The following DTNBP1 variants were observed in gnomAD, a reference collection of about 807,000 sequenced individuals.
DTNBP1 encodes dysbindin.
Under a neutral mutation model 42.8 loss-of-function variants are expected in DTNBP1, and 35 were observed. The observed-to-expected ratio is 0.82, with a 90% confidence interval of 0.63 to 1.09. The LOEUF (loss-of-function observed/expected upper bound fraction) is 1.09, where lower values mean the gene tolerates loss of function less well. Ranked by LOEUF, DTNBP1 falls within the 50% of genes least tolerant of loss-of-function variation. DTNBP1 has a pLI of 0.00. For missense variants in DTNBP1, 457 were observed against 424.2 expected (o/e 1.08, Z -0.68); for synonymous variants, 171 against 162.2 (o/e 1.05, Z -0.41).
At chr6:15,595,873 A>C (rs1490494104) in intron 6 of DTNBP1, among the ~76,000 whole-genome samples, 3 of 152,246 alleles carry the variant, frequency 2.0e-5, no homozygotes, top group Non-Finnish European at 2.9e-5. Context: ...AAAGTAATTC[A>C]GATAAAAAGG....
At chr6:15,540,997 A>G (rs1401988887) in intron 7 of DTNBP1, among the ~76,000 whole-genome samples, 3 of 151,762 alleles carry the variant, frequency 2.0e-5, no homozygotes, top group Non-Finnish European at 4.4e-5. Flanking sequence ...GTTTTAAAAC[A>G]TGTTCCTCAC....
At chr6:15,557,664 A>G (rs1192751210) in intron 7 of DTNBP1, among the ~76,000 whole-genome samples, 4 of 152,176 alleles carry the variant, frequency 2.6e-5, no homozygotes, top group African/African-American at 9.6e-5. Context: ...ATTAAAAGAC[A>G]ATGAAAGATT....
rs113725588 is a variant in DTNBP1, at chr6:15,624,814, C to CA, written c.355+2528dup. Among the ~76,000 whole-genome samples the CA allele has an allele frequency of 4.8e-3, 648 of 136,398 alleles. 5 individuals are homozygous for CA. Among genetic ancestry groups the CA allele is most frequent in the Middle Eastern group, 0.026 (7 of 270 alleles). 89.5% of individuals were successfully genotyped at this position (136,398 alleles called of 152,430 possible). ...ATAATAGGAGAGATTTTGAGGCTTCCAAAAAAAAAAACCCAGTAAATGAGT... is the reference window on the plus strand; with the variant it reads ...ATAATAGGAGAGATTTTGAGGCTTCCAAAAAAAAAAAACCCAGTAAATGAGT... On this transcript the variant is annotated intron_variant, in intron 5 of 9. Transcript: ENST00000344537.
At chr6:15,626,026 C>T (rs1163957471) in intron 5 of DTNBP1, among the ~76,000 whole-genome samples, 2 of 152,204 alleles carry the variant, frequency 1.3e-5, no homozygotes, top group Admixed American at 6.5e-5. Flanking sequence ...AAAGGCATGG[C>T]AACAGCCAGG....
intron 7 of DTNBP1, chr6:15,579,972 A>C (rs1472910885): frequency 8.0e-6 from 2 of 250,556 alleles, no homozygotes; most frequent in African/African-American, 4.5e-5. Context: ...GTGTCCATTT[A>C]AAATAATAAA....
intron 3 of DTNBP1, among the ~76,000 whole-genome samples, chr6:15,646,493 T>C (rs1231775831): frequency 1.3e-5 from 2 of 151,050 alleles, no homozygotes; most frequent in East Asian, 3.9e-4. Context: ...CCAATGCCAT[T>C]TTCCCCAAAA....
At position 15,615,290 on chromosome 6, in the gene DTNBP1, C is replaced by T. The variant is rs1195712425; in HGVS notation, c.465G>A (p.Leu155=). 1.2e-6 allele frequency: 2 copies of T among 1,614,082 alleles called. No individual in the cohort carries two copies. Among genetic ancestry groups the T allele is most frequent in the Non-Finnish European group, 1.7e-6 (2 of 1,180,008 alleles). ...ACCTCTTATTTTTCTTGTAATTCTC[C>T]AGTTGCTGGGACTGCATATGTTTGC... ...ERCKHMQSQQ[L]ENYKKNKRKE... Residue 155 remains leucine, a synonymous_variant, in exon 6 of 10, where the codon CTG becomes CTA. Coordinates refer to ENST00000344537, the MANE Select transcript of DTNBP1 (RefSeq NM_032122.5).
At chr6:15,643,221 A>G (rs1470561433) in intron 3 of DTNBP1, among the ~76,000 whole-genome samples, 2 of 152,212 alleles carry the variant, frequency 1.3e-5, no homozygotes, top group Non-Finnish European at 1.5e-5. Context: ...CCAGTCATTC[A>G]AATTAACCAA....
Position 15,634,249 on chromosome 6 carries a change from AT to A in DTNBP1, c.222+3494del, listed in dbSNP as rs1333971781. Among the ~76,000 whole-genome samples the A allele has an allele frequency of 4.8e-4, 73 of 152,244 alleles. 1 individual carries two copies. Among genetic ancestry groups the A allele is most frequent in the African/African-American group, 1.7e-3 (71 of 41,536 alleles). ...ATCTTATTCTGTTTATTCTACTGTT[AT>A]GCATTTTCCTCTGGTTTCTTGTCAT... On this transcript the variant is annotated intron_variant, in intron 4 of 9. Transcript: ENST00000344537.
chr6:15,623,212 A>G (rs1759145431), intron 5 of DTNBP1, among the ~76,000 whole-genome samples: 1 of 152,216 alleles, frequency 6.6e-6, no homozygotes, highest in Non-Finnish European at 1.5e-5. Flanking sequence ...ACATCTGATA[A>G]TCTAGTCCAT....
At chr6:15,597,553 C>G (rs766808380) in intron 6 of DTNBP1, among the ~76,000 whole-genome samples, 20 of 152,148 alleles carry the variant, frequency 1.3e-4, no homozygotes, top group Non-Finnish European at 2.4e-4. Context: ...TCATCTTTTC[C>G]AAGAAGACTT....
intron 7 of DTNBP1, among the ~76,000 whole-genome samples, chr6:15,559,184 G>C (rs2113464046): frequency 6.6e-6 from 1 of 152,316 alleles, no homozygotes; most frequent in South Asian, 2.1e-4. Context: ...GGAGCACGGT[G>C]GCCAGCCATC....
chr6:15,556,120 C>T lies in DTNBP1; in HGVS notation c.512-22725G>A, dbSNP rs564520818. Among the ~76,000 whole-genome samples, 14 of 151,870 alleles carry T rather than the reference C, an allele frequency of 9.2e-5. No homozygotes were observed. The South Asian group carries it at 2.3e-3, about 25-fold the overall frequency. On this transcript the variant is annotated intron_variant, in intron 7 of 9. Transcript: ENST00000344537. ...AGTTAAAGGTCTTTGGGTTAATCCCCGGGTTAAAATGCCCAATTTAGCAGG... is the reference window on the plus strand; with the variant it reads ...AGTTAAAGGTCTTTGGGTTAATCCCTGGGTTAAAATGCCCAATTTAGCAGG...
intron 7 of DTNBP1, among the ~76,000 whole-genome samples, chr6:15,548,758 G>A (rs1774037622): frequency 6.6e-6 from 1 of 151,864 alleles, no homozygotes; most frequent in Non-Finnish European, 1.5e-5. Context: ...AAAAAAGAAG[G>A]CAGTTAATAT....
chr6:15,586,392 T>A (rs1482306429), intron 7 of DTNBP1, among the ~76,000 whole-genome samples: 1 of 152,142 alleles, frequency 6.6e-6, no homozygotes, highest in Non-Finnish European at 1.5e-5. Context: ...TTGAAAATAG[T>A]ATGGTCTAAA....
chr6:15,656,557 C>T (rs1014580658), intron 1 of DTNBP1, among the ~76,000 whole-genome samples: 4 of 152,076 alleles, frequency 2.6e-5, no homozygotes, highest in African/African-American at 9.7e-5. Context: ...GTAAATAAGC[C>T]TGGGCAACAT....
intron 7 of DTNBP1, among the ~76,000 whole-genome samples, chr6:15,560,835 C>G (rs1307397560): frequency 6.6e-6 from 1 of 152,160 alleles, no homozygotes; most frequent in Non-Finnish European, 1.5e-5. Flanking sequence ...TGGCTGGGCT[C>G]AAACCTTTAA....
At chr6:15,546,045 G>A (rs777411804) in intron 7 of DTNBP1, 9 of 448,198 alleles carry the variant, frequency 2.0e-5, no homozygotes, top group East Asian at 1.4e-4. Flanking sequence ...AATATGGATC[G>A]GAAGGTCACC....
At chr6:15,661,807 CTAAG>C (rs1761650627) in intron 1 of DTNBP1, among the ~76,000 whole-genome samples, 2 of 152,316 alleles carry the variant, frequency 1.3e-5, no homozygotes, top group South Asian at 2.1e-4. Context: ...AAATTAAGCA[CTAAG>C]TAACAATACT....
Sources: allele counts gnomAD v4.1 joint callset (sites outside exome capture counted in the v4.1 genomes callset), GRCh38; gene constraint gnomAD v4.1.1; transcripts MANE v1.5; gene names NCBI Gene and HGNC (gene_info 2026-07-23, HGNC 2026-07-21).